TLK1: variants seen among roughly 807,000 people sequenced by gnomAD.
TLK1 encodes serine/threonine-protein kinase tousled-like 1.
TLK1 carries 24 observed loss-of-function variants against 105.3 expected under a neutral mutation model. The observed-to-expected ratio is 0.23, with a 90% CI of 0.17 to 0.32. TLK1 has a LOEUF of 0.32. Ranked by LOEUF, TLK1 falls within the 10% of genes least tolerant of loss-of-function variation. TLK1 has a pLI of 1.00. For missense variants in TLK1, 558 were observed against 910.5 expected, an observed-to-expected ratio of 0.61 and a Z score of 4.98; for synonymous variants, 321 against 310.4, an observed-to-expected ratio of 1.03 and a Z score of -0.36.
At chr2:171,164,932 G>A (rs1340123499), upstream of TLK1, among the ~76,000 whole-genome samples, 7 of 152,132 alleles carry the variant, frequency 4.6e-5, no homozygotes, top group East Asian at 1.3e-3. Flanking sequence ...ACTAGCCTGG[G>A]CAACAGAGTG....
intron 13 of TLK1, among the ~76,000 whole-genome samples, chr2:171,012,247 C>G (rs1405618272): frequency 1.3e-5 from 2 of 152,114 alleles, no homozygotes; most frequent in Non-Finnish European, 2.9e-5. Flanking sequence ...GGATGTTCAA[C>G]TTGTGCGTTT....
rs542705459 is a variant in TLK1, at chr2:171,179,937, T to TA, written c.-6+51207dup. 1.0e-3 allele frequency among the ~76,000 whole-genome samples: 151 copies of TA among 151,450 alleles called. 2 individuals carry two copies. Among genetic ancestry groups the TA allele is most frequent in the Non-Finnish European group, 1.8e-4 (12 of 67,818 alleles). On this transcript the variant is annotated intron_variant, in intron 1 of 20. Coordinates refer to the TLK1 transcript ENST00000521943. ...GGTGAAACCCCATTTCTACTAAAAA[T>TA]AAAAAAAACTAGCTGGGTGTGGTGG...
chr2:171,116,041 T>A (rs1486747898), intron 2 of TLK1, among the ~76,000 whole-genome samples: 1 of 152,208 alleles, frequency 6.6e-6, no homozygotes, highest in Non-Finnish European at 1.5e-5. Flanking sequence ...TACAAAAAGG[T>A]CTATTTGACC....
intron 2 of TLK1, among the ~76,000 whole-genome samples, chr2:171,090,925 T>G (rs1689200931): frequency 6.6e-6 from 1 of 152,206 alleles, no homozygotes; most frequent in South Asian, 2.1e-4. Context: ...TAGCCATATT[T>G]TAAATCCTCA....
At chr2:171,217,655 A>G (rs1015444670) in intron 1 of TLK1, among the ~76,000 whole-genome samples, 2 of 152,242 alleles carry the variant, frequency 1.3e-5, no homozygotes, top group African/African-American at 4.8e-5. Context: ...AGACATTAAC[A>G]TCTAATGAAA....
At chr2:171,065,127 AT>A (rs1430432689) in intron 3 of TLK1, among the ~76,000 whole-genome samples, 1 of 152,188 alleles carries the variant, frequency 6.6e-6, no homozygotes, top group East Asian at 1.9e-4. Context: ...AGAAATCAAT[AT>A]GAATTATTCC....
At position 171,141,192 on chromosome 2, in the gene TLK1, G is replaced by A. The variant is rs78268255; in HGVS notation, c.139+19098C>T. ...AGATGACAAGACAGAAGCACTATCC[G>A]AAGTGATATAGTCTGAGAATTTTCC... On this transcript the variant is annotated intron_variant, in intron 1 of 20. Transcript: ENST00000431350. Among the ~76,000 whole-genome samples, 84 of 152,264 alleles carry A rather than the reference G, an allele frequency of 5.5e-4. 1 individual carries two copies. The East Asian group carries it at 0.016, about 28-fold the overall frequency.
chr2:171,070,757 T>C (rs975668021), intron 3 of TLK1, among the ~76,000 whole-genome samples: 1 of 152,236 alleles, frequency 6.6e-6, no homozygotes, highest in Non-Finnish European at 1.5e-5. Context: ...CTCTTTGATA[T>C]ATCAATTTCT....
chr2:171,189,003 T>G (rs1055226416), intron 1 of TLK1, among the ~76,000 whole-genome samples: 1 of 152,128 alleles, frequency 6.6e-6, no homozygotes, highest in Non-Finnish European at 1.5e-5. Flanking sequence ...CAATAATTAT[T>G]TTCATTTTAC....
chr2:170,998,036 CTATCTATCTT>C (rs918076302), intron 18 of TLK1, among the ~76,000 whole-genome samples: 5 of 149,264 alleles, frequency 3.3e-5, no homozygotes, highest in African/African-American at 1.2e-4. Context: ...AAGTTCATCT[CTATCTATCTT>C]TATCTATCTA....
intron 3 of TLK1, among the ~76,000 whole-genome samples, chr2:171,073,270 G>A (rs942566492): frequency 2.3e-4 from 35 of 152,218 alleles, no homozygotes; most frequent in Middle Eastern, 6.8e-3. Flanking sequence ...TGGTGAAGGT[G>A]GGCACTCTTG....
At chr2:171,037,054 G>C (rs1686378974) in intron 11 of TLK1, among the ~76,000 whole-genome samples, 1 of 152,104 alleles carries the variant, frequency 6.6e-6, no homozygotes, top group African/African-American at 2.4e-5. Flanking sequence ...CATTCTATCT[G>C]CAGGAAACTA....
intron 2 of TLK1, among the ~76,000 whole-genome samples, chr2:171,110,047 T>C (rs1402235424): frequency 6.6e-6 from 1 of 152,192 alleles, no homozygotes; most frequent in Non-Finnish European, 1.5e-5. Context: ...TGTTCTATAT[T>C]TTGTTTTGTG....
At chr2:171,068,380 C>T (rs1223145492) in intron 3 of TLK1, among the ~76,000 whole-genome samples, 4 of 152,094 alleles carry the variant, frequency 2.6e-5, no homozygotes, top group Non-Finnish European at 5.9e-5. Context: ...CTTCATTGTC[C>T]AGGCTGGACT....
intron 2 of TLK1, among the ~76,000 whole-genome samples, chr2:171,104,731 T>C (rs914395565): frequency 1.3e-5 from 2 of 152,198 alleles, no homozygotes; most frequent in Non-Finnish European, 2.9e-5. Flanking sequence ...GTGCTGGGAT[T>C]ACAGACATAA....
At chr2:170,996,859 A>G (rs1684088443) in intron 19 of TLK1, 99 bp from the exon 20 acceptor site, 5 of 969,046 alleles carry the variant, frequency 5.2e-6, no homozygotes, top group Admixed American at 2.8e-5. Flanking sequence ...GAAAATCCAA[A>G]TATCTTGTGT....
At chr2:171,184,086 G>A (rs1692977556) in intron 1 of TLK1, among the ~76,000 whole-genome samples, 1 of 152,170 alleles carries the variant, frequency 6.6e-6, no homozygotes, top group African/African-American at 2.4e-5. Context: ...AGGGCGATGT[G>A]ACTACAGAAG....
chr2:171,164,591 A>G (rs1692573524), upstream of TLK1, among the ~76,000 whole-genome samples: 1 of 152,254 alleles, frequency 6.6e-6, no homozygotes, highest in African/African-American at 2.4e-5. Flanking sequence ...ATGCTTTTCC[A>G]AATTTTGTAA....
intron 7 of TLK1, 190 bp downstream of exon 7, chr2:171,054,893 T>G (rs910199315): frequency 3.0e-5 from 11 of 371,700 alleles, no homozygotes; most frequent in Non-Finnish European, 2.0e-5. Context: ...AAAAAGCTGA[T>G]AGTAAATTGT....
Sources: allele counts gnomAD v4.1 joint callset (sites outside exome capture counted in the v4.1 genomes callset), GRCh38; gene constraint gnomAD v4.1.1; transcripts MANE v1.5; gene names NCBI Gene and HGNC (gene_info 2026-07-23, HGNC 2026-07-21).